GLDC: variants seen among roughly 807,000 people sequenced by gnomAD.
GLDC encodes the protein glycine decarboxylase, also known as glycine dehydrogenase (decarboxylating), mitochondrial.
Under a neutral mutation model 121.3 loss-of-function variants are expected in GLDC, and 104 were observed. That is an observed-to-expected ratio of 0.86 (90% CI 0.73 to 1.01). GLDC has a LOEUF of 1.01. GLDC is among the 50% of genes least tolerant of loss of function. The pLI, the probability that GLDC is intolerant of heterozygous loss-of-function variation, is 0.00. For missense variants in GLDC, 1,429 were observed against 1,306.6 expected (o/e 1.09, Z -1.44); for synonymous variants, 546 against 480.6 (o/e 1.14, Z -1.78).
At chr9:6,586,054 G>C (rs1031142793) in intron 15 of GLDC, among the ~76,000 whole-genome samples, 1 of 152,108 alleles carries the variant, frequency 6.6e-6, no homozygotes, top group Non-Finnish European at 1.5e-5. Context: ...CCAACACTTT[G>C]GGAGGCCGAG....
chr9:6,623,746 T>C (rs568219792), intron 2 of GLDC, among the ~76,000 whole-genome samples: 3 of 152,360 alleles, frequency 2.0e-5, no homozygotes, highest in African/African-American at 4.8e-5. Context: ...CCTTCTTCCA[T>C]TGAAAGTTTA....
chr9:6,638,895 G>A (rs1004626828), intron 2 of GLDC, among the ~76,000 whole-genome samples: 1 of 152,036 alleles, frequency 6.6e-6, no homozygotes, highest in Non-Finnish European at 1.5e-5. Flanking sequence ...TGTAGTCTCA[G>A]CTACTCGGGA....
intron 4 of GLDC, among the ~76,000 whole-genome samples, chr9:6,607,984 A>G (rs1207388337): frequency 6.6e-6 from 1 of 152,062 alleles, no homozygotes; most frequent in East Asian, 1.9e-4. Context: ...TTAGCTGGGC[A>G]TGGTGGCATG....
In GLDC at chr9:6,645,440, G is replaced by A. The variant is rs1162699082; in HGVS notation, c.60C>T (p.Arg20=). ...LRLGRGVGGG[R]RLAGGSGPCW... ...ACGGCCCCGATCCCCCAGCCAGGCG[G>A]CGGCCGCCCCCGACCCCGCGGCCCA... Residue 20 remains arginine (R), a synonymous_variant, in exon 1 of 25, where the codon CGC becomes CGT. Transcript: ENST00000321612. 2.4e-6 allele frequency: 3 copies of A among 1,273,180 alleles called. No homozygotes were observed. In the African/African-American group the frequency reaches 4.7e-5, roughly 20 times the overall value. The allele number at this position is 1,273,180 out of a possible 1,614,324, so 78.9% of individuals were successfully genotyped here. A position where few individuals can be genotyped will look rare whatever the true frequency, so the allele number is the denominator to read the frequency against.
At chr9:6,614,141 A>AGCATATCT (rs1424498157) in intron 3 of GLDC, among the ~76,000 whole-genome samples, 2 of 152,272 alleles carry the variant, frequency 1.3e-5, no homozygotes, top group South Asian at 2.1e-4. Flanking sequence ...CTCCAGAAAG[A>AGCATATCT]GCATATCTGT....
At chr9:6,612,506 G>A (rs1298173624) in intron 3 of GLDC, among the ~76,000 whole-genome samples, 1 of 152,072 alleles carries the variant, frequency 6.6e-6, no homozygotes, top group Non-Finnish European at 1.5e-5. Flanking sequence ...GGCTGAGGTG[G>A]GCAATCACTC....
chr9:6,545,377 T>A lies in GLDC; in HGVS notation c.2570-5231A>T, dbSNP rs143434477. Among the ~76,000 whole-genome samples the A allele has an allele frequency of 3.8e-3, 581 of 152,256 alleles. 5 individuals are homozygous for A. Among genetic ancestry groups the A allele is most frequent in the African/African-American group, 0.014 (561 of 41,540 alleles). ...CACAATGGTCCGAATCTGTGTATCT[T>A]AACATATCTCAACATAGAAAAGACA... is the stretch of plus-strand genomic sequence containing the variant. On this transcript the variant is annotated intron_variant, in intron 21 of 24. Transcript: ENST00000321612.
chr9:6,625,999 C>G (rs1205692261), intron 2 of GLDC, among the ~76,000 whole-genome samples: 2 of 152,066 alleles, frequency 1.3e-5, no homozygotes, highest in Non-Finnish European at 2.9e-5. Context: ...AACTCCAGAT[C>G]GCTTCCCTCT....
chr9:6,574,989 G>T (rs1444715239), intron 15 of GLDC, among the ~76,000 whole-genome samples: 2 of 152,072 alleles, frequency 1.3e-5, no homozygotes, highest in Non-Finnish European at 2.9e-5. Context: ...AGGCCAAATT[G>T]CTCTCCAACC....
chr9:6,579,440 T>C (rs1818132935), intron 15 of GLDC, among the ~76,000 whole-genome samples: 2 of 152,222 alleles, frequency 1.3e-5, no homozygotes. Flanking sequence ...TTTTGGGTTT[T>C]TGTTTTGGAA....
chr9:6,551,046 A>G, intron 20 of GLDC, 132 bp from the exon 21 acceptor site: 1 of 748,024 alleles, frequency 1.3e-6, no homozygotes, highest in Non-Finnish European at 2.4e-6. Flanking sequence ...TGGAGTAAAG[A>G]TGAGTGGAAA....
intron 2 of GLDC, among the ~76,000 whole-genome samples, chr9:6,625,747 G>A (rs1348645233): frequency 6.6e-6 from 1 of 151,988 alleles, no homozygotes; most frequent in Non-Finnish European, 1.5e-5. Context: ...TCCTATGATA[G>A]TAGCCCTAGC....
intron 2 of GLDC, among the ~76,000 whole-genome samples, chr9:6,620,600 T>A (rs1297383678): frequency 6.6e-6 from 1 of 152,178 alleles, no homozygotes; most frequent in African/African-American, 2.4e-5. Flanking sequence ...TTTTAACACT[T>A]GCCTCATTCC....
chr9:6,590,674 A>G (rs1236577523), intron 11 of GLDC, among the ~76,000 whole-genome samples: 1 of 152,220 alleles, frequency 6.6e-6, no homozygotes, highest in African/African-American at 2.4e-5. Flanking sequence ...TATTTTATTT[A>G]TAAATTATTT....
chr9:6,584,445 T>C (rs923897576), intron 15 of GLDC, among the ~76,000 whole-genome samples: 21 of 152,210 alleles, frequency 1.4e-4, no homozygotes, highest in African/African-American at 5.1e-4. Flanking sequence ...AGCCAATATG[T>C]AAGCCCTGTT....
chr9:6,602,999 G>A (rs934981832), intron 7 of GLDC, among the ~76,000 whole-genome samples: 6 of 152,040 alleles, frequency 3.9e-5, no homozygotes, highest in South Asian at 2.1e-4. Context: ...GGGCCAAGGT[G>A]GGCGGATCAC....
At chr9:6,594,887 G>T (rs1818460797) in intron 9 of GLDC, 127 bp downstream of exon 9, 4 of 729,684 alleles carry the variant, frequency 5.5e-6, no homozygotes, top group Admixed American at 1.8e-5. Flanking sequence ...GATGTTGAAA[G>T]TATTTTTCCT....
chr9:6,624,312 G>A (rs1411064119), intron 2 of GLDC, among the ~76,000 whole-genome samples: 6 of 152,148 alleles, frequency 3.9e-5, no homozygotes, highest in African/African-American at 1.4e-4. Context: ...GTTAAAATGA[G>A]ATCATGCTGG....
In GLDC at chr9:6,554,736, G is replaced by C. The variant is rs775858027; in HGVS notation, c.2248C>G (p.Leu750Val). Reference protein sequence around the residue: ...PGDFGSDVSHLNLHKTFCIPH... With the variant: ...PGDFGSDVSHVNLHKTFCIPH... ...ATGCAGAAGGTCTTGTGAAGATTTA[G>C]GTGCGAGACATCAGACCCGAAGTCT... is the stretch of plus-strand genomic sequence containing the variant. Residue 750 changes from leucine to valine, a missense_variant, in exon 19 of 25, where the codon CTA becomes GTA. Physicochemically the swap from Leu to Val is conservative, Grantham distance 32. Coordinates refer to ENST00000321612, the MANE Select transcript of GLDC (RefSeq NM_000170.3). 1.2e-6 allele frequency: 2 copies of C among 1,613,594 alleles called. No individual in the cohort carries two copies. Among genetic ancestry groups the C allele is most frequent in the East Asian group, 4.5e-5 (2 of 44,888 alleles).
Sources: allele counts gnomAD v4.1 joint callset (sites outside exome capture counted in the v4.1 genomes callset), GRCh38; gene constraint gnomAD v4.1.1; transcripts MANE v1.5; gene names NCBI Gene and HGNC (gene_info 2026-07-23, HGNC 2026-07-21).